Variants in RBM17 observed in about 807,000 individuals in gnomAD.
RBM17 encodes splicing factor 45.
Under a neutral mutation model 53.2 loss-of-function variants are expected in RBM17, and 7 were observed. The observed-to-expected ratio is 0.13, with a 90% CI of 0.07 to 0.25. The LOEUF (loss-of-function observed/expected upper bound fraction) is 0.25. Among genes scored for constraint, RBM17 ranks in the 10% least tolerant of loss-of-function variants. The pLI, the probability that RBM17 is intolerant of heterozygous loss-of-function variation, is 1.00. For synonymous variants in RBM17, 167 were observed against 178.1 expected (o/e 0.94, Z 0.50); for missense variants, 257 against 496.7 (o/e 0.52, Z 4.59).
chr10:6,110,422 A>C (rs1840820442), intron 7 of RBM17, among the ~76,000 whole-genome samples: 1 of 152,236 alleles, frequency 6.6e-6, no homozygotes, highest in East Asian at 1.9e-4. Context: ...TTGCAAATAA[A>C]ATAGCTCATA....
intron 3 of RBM17, among the ~76,000 whole-genome samples, chr10:6,104,358 G>A (rs1840714965): frequency 6.6e-6 from 1 of 152,196 alleles, no homozygotes. Context: ...TGCTGGAAGG[G>A]ACATTACATC....
At position 6,101,183 on chromosome 10, in the gene RBM17, C is replaced by T. The variant is rs1209764630; in HGVS notation, c.124-88C>T. 9 of 692,746 alleles carry T rather than the reference C, an allele frequency of 1.3e-5. No individual in the cohort carries two copies. In the African/African-American group the frequency reaches 1.5e-4, roughly 11 times the overall value. The allele number at this position is 692,746 out of a possible 1,614,324, so 42.9% of individuals were successfully genotyped here. A position where few individuals can be genotyped will look rare whatever the true frequency, so the allele number is the denominator to read the frequency against. On this transcript the variant is annotated intron_variant, in intron 2 of 11. Transcript: ENST00000379888. ...TTTCTCATATCTCAAAGGTTTGTTG[C>T]AGGGACCAGAAAGAAAATCTTTGTT...
intron 1 of RBM17, 44 bp from the exon 2 acceptor site, chr10:6,097,004 A>G: frequency 6.4e-7 from 1 of 1,560,168 alleles, no homozygotes; most frequent in Non-Finnish European, 8.7e-7. Flanking sequence ...AAAAGCCTTT[A>G]TTGAATTGTG....
rs1840455212 is a variant in RBM17 at position 6,089,814 on chromosome 10, G to A, written c.-19+621G>A. The A allele has an allele frequency of 6.6e-6, 1 of 152,382 alleles. No individual in the cohort carries two copies. The allele number at this position is 152,382 out of a possible 1,614,324, so 9.4% of individuals were successfully genotyped here. A position where few individuals can be genotyped will look rare whatever the true frequency, so the allele number is the denominator to read the frequency against. On this transcript the variant is annotated intron_variant, in intron 1 of 11. Transcript: ENST00000379888. The surrounding 1 kb of genome is among the most constrained non-coding windows in gnomAD (Gnocchi z 5.6). ...GCCCCGAGAATGTGTAATGATCGGAGAATGCAGGTGGAATGAGGTTCTGCC... is the reference window on the plus strand; with the variant it reads ...GCCCCGAGAATGTGTAATGATCGGAAAATGCAGGTGGAATGAGGTTCTGCC...
At chr10:6,098,563 G>GT (rs398012715) in intron 2 of RBM17, among the ~76,000 whole-genome samples, 832 of 46,648 alleles carry the variant, frequency 0.018, 144 homozygotes, top group Middle Eastern at 0.031. Flanking sequence ...CAGGTTTTTT[G>GT]TTTTTTTTTT....
chr10:6,107,479 C>CTT (rs71390124), intron 5 of RBM17, among the ~76,000 whole-genome samples: 1,032 of 56,570 alleles, frequency 0.018, 77 homozygotes, highest in African/African-American at 0.064. Flanking sequence ...CACCCGGCCT[C>CTT]TTTTTTTTTT....
At position 6,106,173 on chromosome 10, in the gene RBM17, T is replaced by G. The variant is rs747217457; in HGVS notation, c.440T>G (p.Phe147Cys). 1.4e-5 allele frequency: 23 copies of G among 1,613,814 alleles called. No homozygotes were observed. The highest frequency in any genetic ancestry group is 1.9e-5 in the Non-Finnish European group (22 of 1,179,758). ...RRKDRHEASG[F>C]ARRPDPDSDE... is the part of the protein sequence containing the mutation. Reference sequence around the variant, plus strand: ...AAAGACAGACATGAAGCAAGTGGGTTTGCAAGGAGACCAGATCCAGATTCT... The same window carrying G: ...AAAGACAGACATGAAGCAAGTGGGTGTGCAAGGAGACCAGATCCAGATTCT... The change falls in exon 5 of 12, where the codon TTT becomes TGT. Residue 147 changes from phenylalanine (F) to cysteine (C), a missense_variant. Around this residue, in one of 6 missense-constraint regions of RBM17, gnomAD observed 127 missense variants for 217.2 expected, o/e 0.58. Coordinates refer to ENST00000379888, the MANE Select transcript of RBM17 (RefSeq NM_032905.5).
rs1022094848 is a variant in RBM17 at position 6,097,087 on chromosome 10, G to C, written c.22G>C (p.Gly8Arg). 2 of 1,613,694 alleles carry C rather than the reference G, an allele frequency of 1.2e-6. No homozygotes were observed. The highest frequency in any genetic ancestry group is 3.3e-5 in the Admixed American group (2 of 60,024). The change falls in exon 2 of 12, where the codon GGA (glycine) becomes CGA (arginine). Residue 8 changes from glycine to arginine, a missense_variant. By Grantham distance (125) the Gly-to-Arg change is moderately radical. This residue lies in a region of RBM17 where 127 missense variants were observed against 217.2 expected (regional missense o/e 0.58). Coordinates refer to ENST00000379888, the MANE Select transcript of RBM17 (RefSeq NM_032905.5). MSLYDDL[G>R]VETSDSKTEG... The stretch of plus-strand genomic sequence containing the variant: ...AAAGATGTCCCTGTACGATGACCTA[G>C]GAGTGGAGACCAGTGACTCAAAAAC...
intron 5 of RBM17, 102 bp downstream of exon 5, chr10:6,106,340 T>A: frequency 1.3e-6 from 1 of 745,606 alleles, no homozygotes; most frequent in East Asian, 2.8e-5. Flanking sequence ...CATTTGACAT[T>A]GATTTGGGTA....
At chr10:6,103,761 C>T (rs993770332) in intron 3 of RBM17, among the ~76,000 whole-genome samples, 12 of 152,092 alleles carry the variant, frequency 7.9e-5, no homozygotes, top group Non-Finnish European at 1.2e-4. Flanking sequence ...AATGTCACAC[C>T]GAACCATGAA....
chr10:6,113,899 A>G (rs982422938), intron 9 of RBM17, 150 bp from the exon 10 acceptor site: 11 of 616,284 alleles, frequency 1.8e-5, no homozygotes, highest in Non-Finnish European at 2.9e-5. Flanking sequence ...TTTAAGAAAT[A>G]CTAACTTTTG....
intron 1 of RBM17, among the ~76,000 whole-genome samples, chr10:6,093,986 T>C (rs1271290849): frequency 2.1e-5 from 3 of 146,124 alleles, no homozygotes; most frequent in Non-Finnish European, 4.5e-5. Flanking sequence ...TTTTTTTTTT[T>C]TTTTTTGAGA....
intron 7 of RBM17, among the ~76,000 whole-genome samples, chr10:6,110,869 TG>T (rs1840826973): frequency 1.3e-5 from 2 of 152,150 alleles, no homozygotes; most frequent in African/African-American, 2.4e-5. Context: ...GTGGTGACGA[TG>T]TTGGATGGTG....
intron 3 of RBM17, among the ~76,000 whole-genome samples, chr10:6,104,217 C>G (rs997188171): frequency 6.6e-6 from 1 of 152,170 alleles, no homozygotes; most frequent in Admixed American, 6.5e-5. Flanking sequence ...CTCTGCCTCT[C>G]GTTTTGCTAA....
At chr10:6,090,936 G>A (rs1840472172) in intron 1 of RBM17, among the ~76,000 whole-genome samples, 1 of 148,904 alleles carries the variant, frequency 6.7e-6, no homozygotes, top group Non-Finnish European at 1.5e-5. Context: ...TATTTTTTGC[G>A]GACACCAAAG....
intron 3 of RBM17, among the ~76,000 whole-genome samples, chr10:6,102,045 T>A (rs1035605619): frequency 1.3e-5 from 2 of 152,206 alleles, no homozygotes; most frequent in Admixed American, 6.5e-5. Context: ...AAATCATAGT[T>A]AAAACTAGAC....
intron 9 of RBM17, chr10:6,113,811 C>T (rs2132955802): frequency 1.7e-6 from 1 of 583,184 alleles, no homozygotes; most frequent in Non-Finnish European, 3.0e-6. Context: ...ATTGCTAGAG[C>T]TTCAGATAGT....
At chr10:6,097,835 G>A (rs1840598741) in intron 2 of RBM17, among the ~76,000 whole-genome samples, 2 of 152,212 alleles carry the variant, frequency 1.3e-5, no homozygotes, top group Admixed American at 1.3e-4. Context: ...TCAGGCTGGA[G>A]CCCCAGGAGT....
At chr10:6,108,443 G>A (rs1047835446) in intron 5 of RBM17, 4 of 491,706 alleles carry the variant, frequency 8.1e-6, no homozygotes, top group Admixed American at 8.3e-5. Context: ...ACATTGTGGG[G>A]CTCTTGAGTT....
Sources: gnomAD v4.1 joint callset for allele counts (sites outside exome capture counted in the v4.1 genomes callset) on GRCh38, gnomAD v4.1.1 for gene constraint, gnomAD v4.1.1 regional missense constraint, Gnocchi (gnomAD v3.1) non-coding constraint, MANE v1.5 for transcripts, NCBI Gene and HGNC (gene_info 2026-07-23, HGNC 2026-07-21) for gene names.